POR: variants seen among roughly 807,000 people sequenced by gnomAD.
The protein encoded by POR is cytochrome p450 oxidoreductase, also known as NADPH--cytochrome P450 reductase.
A neutral mutation model predicts 84.0 loss-of-function variants in POR; 56 were observed. The ratio of observed to expected loss-of-function variants is 0.67; its 90% CI spans 0.54 to 0.83. The LOEUF is 0.83. POR is among the 40% of genes least tolerant of loss of function. The probability of loss-of-function intolerance (pLI) is 0.00; values close to 1 mark genes in which losing one functional copy is unlikely to be tolerated. For synonymous variants in POR, 414 were observed against 400.5 expected, an observed-to-expected ratio of 1.03 and a Z score of -0.40; for missense variants, 938 against 944.3, an observed-to-expected ratio of 0.99 and a Z score of 0.09.
At chr7:75,979,797 T>A in intron 4 of POR, 1 of 602,060 alleles carries the variant, frequency 1.7e-6, no homozygotes, top group Non-Finnish European at 2.7e-6. Context: ...AGGCATCGTT[T>A]CCCCAGGACT....
chr7:75,919,457 A>G (rs1264392550), intron 1 of POR, among the ~76,000 whole-genome samples: 2 of 151,862 alleles, frequency 1.3e-5, no homozygotes, highest in Non-Finnish European at 2.9e-5. Flanking sequence ...GGGGCAGACC[A>G]TGGTTCTTTG....
intron 1 of POR, among the ~76,000 whole-genome samples, chr7:75,944,639 G>C (rs1787099028): frequency 1.0e-5 from 1 of 99,268 alleles, no homozygotes; most frequent in South Asian, 2.6e-4. Flanking sequence ...CTCTCAACTT[G>C]AATGAGAAAA....
At chr7:75,971,680 C>A (rs976997540) in intron 2 of POR, among the ~76,000 whole-genome samples, 7 of 152,060 alleles carry the variant, frequency 4.6e-5, no homozygotes, top group Non-Finnish European at 1.0e-4. Context: ...TGGCCCAGTG[C>A]AGGGGAAGCA....
intron 1 of POR, among the ~76,000 whole-genome samples, chr7:75,945,796 TG>T (rs1787146775): frequency 6.6e-6 from 1 of 152,210 alleles, no homozygotes; most frequent in African/African-American, 2.4e-5. Context: ...CTGCTTTGAT[TG>T]GGGTGTCTGA....
intron 2 of POR, chr7:75,967,895 G>C (rs1788254757): frequency 2.7e-6 from 1 of 370,864 alleles, no homozygotes; most frequent in Admixed American, 3.2e-5. Context: ...AGGAGCTCAG[G>C]GAAATTCCGA....
intron 1 of POR, among the ~76,000 whole-genome samples, chr7:75,930,592 G>A (rs193202666): frequency 3.3e-5 from 5 of 149,320 alleles, no homozygotes; most frequent in African/African-American, 1.2e-4. Context: ...GCACGATCTT[G>A]GCTCACTGCA....
At chr7:75,958,552 C>G (rs1186834124) in intron 2 of POR, among the ~76,000 whole-genome samples, 1 of 152,196 alleles carries the variant, frequency 6.6e-6, no homozygotes, top group African/African-American at 2.4e-5. Context: ...CCAAGGCCAC[C>G]TAACTTCTAA....
At chr7:75,982,466 T>G in intron 8 of POR, 144 bp downstream of exon 8, 1 of 690,804 alleles carries the variant, frequency 1.4e-6, no homozygotes, top group Admixed American at 2.3e-5. Context: ...GTCCACGACC[T>G]GTCCACGGCC....
chr7:75,958,486 T>C (rs1787781722), intron 2 of POR, among the ~76,000 whole-genome samples: 3 of 152,094 alleles, frequency 2.0e-5, no homozygotes, highest in Non-Finnish European at 4.4e-5. Flanking sequence ...CACGAAGACA[T>C]GAGCAGCCCA....
intron 1 of POR, chr7:75,943,719 C>T: frequency 3.0e-6 from 1 of 328,110 alleles, no homozygotes; most frequent in Non-Finnish European, 6.2e-6. Context: ...GGTATTGACT[C>T]CCCAAGTAAA....
chr7:75,940,288 T>C (rs1807912482), intron 1 of POR, among the ~76,000 whole-genome samples: 3 of 150,896 alleles, frequency 2.0e-5, no homozygotes, highest in Admixed American at 1.3e-4. Context: ...GGTTTCGCCA[T>C]GTTGGCCAGG....
In POR at chr7:75,981,542, C is replaced by A. The variant is rs782677940; in HGVS notation, c.667C>A (p.Arg223=). The A allele has an allele frequency of 9.9e-6, 16 of 1,612,776 alleles. No homozygotes were observed. Among genetic ancestry groups the A allele is most frequent in the Non-Finnish European group, 1.4e-5 (16 of 1,179,688 alleles). ...CTTGGAGGAGGACTTCATCACCTGG[C>A]GAGAGCAGTTCTGGCCGGCCGTGTG... The change falls in exon 7 of 16, where the codon CGA becomes AGA. Residue 223 remains arginine, a synonymous_variant. Transcript: ENST00000461988.
intron 2 of POR, among the ~76,000 whole-genome samples, chr7:75,955,017 A>AT (rs1318071157): frequency 2.6e-5 from 4 of 151,810 alleles, no homozygotes; most frequent in African/African-American, 7.2e-5. Flanking sequence ...CAATTTTTGT[A>AT]TTTTTTTATA....
intron 7 of POR, 169 bp from the exon 8 acceptor site, chr7:75,982,055 C>A (rs1554558120): frequency 1.1e-5 from 7 of 630,896 alleles, no homozygotes; most frequent in Non-Finnish European, 2.0e-5. Flanking sequence ...TCCTTGCTCC[C>A]TCGCCTGCCC....
At chr7:75,933,712 A>G (rs1440353842) in intron 1 of POR, among the ~76,000 whole-genome samples, 1 of 152,124 alleles carries the variant, frequency 6.6e-6, no homozygotes, top group East Asian at 1.9e-4. Context: ...CTTGAACTGT[A>G]TTTAATTTTA....
At chr7:75,970,650 G>T (rs951766390) in intron 2 of POR, among the ~76,000 whole-genome samples, 43 of 151,506 alleles carry the variant, frequency 2.8e-4, no homozygotes, top group African/African-American at 9.9e-4. Context: ...CTAGGTTCTT[G>T]GATACTCTCT....
chr7:75,980,402 G>C lies in POR; in HGVS notation c.430G>C (p.Gly144Arg). 1 of 1,613,282 alleles carries C rather than the reference G, an allele frequency of 6.2e-7. No homozygotes were observed. The highest frequency in any genetic ancestry group is 8.5e-7 in the Non-Finnish European group (1 of 1,179,878). Residue 144 changes from glycine to arginine, a missense_variant, in exon 5 of 16, where the codon GGT becomes CGT. By Grantham distance (125) the Gly-to-Arg change is moderately radical. Transcript: ENST00000461988. Reference sequence around the variant, plus strand: ...GGTGGTTTTCTGCATGGCCACCTACGGTGAGGGAGACCCCACCGACAATGC... The same window carrying C: ...GGTGGTTTTCTGCATGGCCACCTACCGTGAGGGAGACCCCACCGACAATGC...
At chr7:75,972,666 T>C (rs1369758552) in intron 3 of POR, 1 of 648,346 alleles carries the variant, frequency 1.5e-6, no homozygotes, top group Non-Finnish European at 2.8e-6. Flanking sequence ...TTTGTTTCCT[T>C]GAATCTTTAC....
chr7:75,972,381 T>A (rs1554556287), intron 2 of POR, 32 bp from the exon 3 acceptor site: 4 of 1,598,206 alleles, frequency 2.5e-6, no homozygotes, highest in Non-Finnish European at 3.4e-6. Context: ...GACACCTGCC[T>A]CCCACGCTCA....
Sources: allele counts gnomAD v4.1 joint callset (sites outside exome capture counted in the v4.1 genomes callset), GRCh38; gene constraint gnomAD v4.1.1; transcripts MANE v1.5; gene names NCBI Gene and HGNC (gene_info 2026-07-23, HGNC 2026-07-21).